ZNF800: variants seen among roughly 807,000 people sequenced by gnomAD.
ZNF800 encodes zinc finger protein 800.
ZNF800 carries 13 observed loss-of-function variants against 59.5 expected under a neutral mutation model. That is an observed-to-expected ratio of 0.22 (90% confidence interval 0.14 to 0.35). ZNF800 has a LOEUF of 0.35. Among genes scored for constraint, ZNF800 ranks in the 10% least tolerant of loss-of-function variants. The probability of loss-of-function intolerance (pLI) is 1.00; values close to 1 mark genes in which losing one functional copy is unlikely to be tolerated. For synonymous variants in ZNF800, 266 were observed against 265.7 expected, an observed-to-expected ratio of 1.00 and a Z score of -0.01; for missense variants, 621 against 783.7, an observed-to-expected ratio of 0.79 and a Z score of 2.48.
intron 1 of ZNF800, among the ~76,000 whole-genome samples, chr7:127,352,184 A>G (rs1260282158): frequency 6.6e-6 from 1 of 152,226 alleles, no homozygotes; most frequent in Admixed American, 6.5e-5. Flanking sequence ...TCATCTATAA[A>G]CATGGCCCAA....
chr7:127,389,593 C>G (rs1801245047), intron 2 of ZNF800, among the ~76,000 whole-genome samples: 1 of 152,140 alleles, frequency 6.6e-6, no homozygotes. Flanking sequence ...TCAGCATATA[C>G]CTTCCTCTGA....
rs757156460 is a variant in ZNF800 at position 127,374,587 on chromosome 7, C to T, written c.749G>A (p.Arg250Gln). 76 of 1,613,976 alleles carry T rather than the reference C, an allele frequency of 4.7e-5. No individual in the cohort carries two copies. The highest frequency in any genetic ancestry group is 6.1e-5 in the Non-Finnish European group (72 of 1,180,000). Residue 250 changes from arginine to glutamine, a missense_variant, in exon 5 of 6, where the codon CGA (arginine) becomes CAA (glutamine). Arg to Gln is a conservative substitution (Grantham distance 43). Around this residue, in one of 7 missense-constraint regions of ZNF800, gnomAD observed 218 missense variants for 230.8 expected, o/e 0.94. Transcript: ENST00000265827. ...TTCCATCTTTTTCTTGTGTACTTTT[C>T]GAATGTGACGGCGAACACCTCGTCT... Reference protein sequence around the residue: ...NSRRGVRRHIRKVHKKKMEEL... With the variant: ...NSRRGVRRHIQKVHKKKMEEL...
At chr7:127,354,277 T>C (rs1800226574) in intron 1 of ZNF800, among the ~76,000 whole-genome samples, 1 of 152,108 alleles carries the variant, frequency 6.6e-6, no homozygotes, top group African/African-American at 2.4e-5. Context: ...GACCCTCTCT[T>C]CCTGAAAGAA....
downstream of ZNF800, chr7:127,370,002 T>C (rs1422969156): frequency 6.6e-6 from 1 of 152,142 alleles, no homozygotes; most frequent in Non-Finnish European, 1.5e-5. Context: ...ATCTTTGGAA[T>C]ATGTCTTGTG....
chr7:127,389,425 T>C (rs1283557465), intron 2 of ZNF800, among the ~76,000 whole-genome samples: 1 of 152,214 alleles, frequency 6.6e-6, no homozygotes, highest in Non-Finnish European at 1.5e-5. Flanking sequence ...ATCAGGAATA[T>C]ACTGATCTCC....
intron 1 of ZNF800, chr7:127,351,357 T>C (rs1326485378): frequency 6.6e-6 from 1 of 152,280 alleles, no homozygotes; most frequent in Non-Finnish European, 1.5e-5. Flanking sequence ...CCTGAAATGA[T>C]CTCTCTTCTG....
chr7:127,391,360 T>C (rs987211107), intron 2 of ZNF800, 137 bp downstream of exon 2: 2 of 821,936 alleles, frequency 2.4e-6, no homozygotes, highest in African/African-American at 3.4e-5. Context: ...TTTAGCTTCA[T>C]AACTGGCTTA....
chr7:127,345,301 C>T (rs1276721143), downstream of ZNF800, among the ~76,000 whole-genome samples: 4 of 151,700 alleles, frequency 2.6e-5, no homozygotes, highest in African/African-American at 4.8e-5. Context: ...ATAGACCCCC[C>T]CCCCAAAGGT....
intron 3 of ZNF800, among the ~76,000 whole-genome samples, chr7:127,382,239 C>T (rs1800998712): frequency 6.6e-6 from 1 of 152,108 alleles, no homozygotes; most frequent in South Asian, 2.1e-4. Context: ...TCTCTTTTCC[C>T]CTCATTTTTC....
At chr7:127,365,521 A>C (rs1337408114), downstream of ZNF800, among the ~76,000 whole-genome samples, 1 of 152,124 alleles carries the variant, frequency 6.6e-6, no homozygotes, top group Non-Finnish European at 1.5e-5. Context: ...CTCAAAATAC[A>C]TTCCTGTACC....
At chr7:127,360,886 A>G (rs572799139) in intron 1 of ZNF800, 1 of 152,260 alleles carries the variant, frequency 6.6e-6, no homozygotes, top group African/African-American at 2.4e-5. Context: ...AATAATGAGC[A>G]AAGAAGACTG....
At chr7:127,372,711 GA>G (rs1800666260) in intron 5 of ZNF800, 1 of 984,596 alleles carries the variant, frequency 1.0e-6, no homozygotes, top group Admixed American at 6.2e-5. Context: ...CAAGGAGAAG[GA>G]AAAAAAATCC....
chr7:127,380,574 A>G (rs1158044714), intron 3 of ZNF800, among the ~76,000 whole-genome samples: 3 of 152,136 alleles, frequency 2.0e-5, no homozygotes, highest in Non-Finnish European at 4.4e-5. Flanking sequence ...GGCTTTCTTC[A>G]AAGTCAGCTA....
downstream of ZNF800, among the ~76,000 whole-genome samples, chr7:127,343,421 A>C (rs553024571): frequency 1.9e-4 from 29 of 151,868 alleles, no homozygotes; most frequent in South Asian, 3.9e-3. Flanking sequence ...ATAGACAACA[A>C]ATTTTAAAAT....
At chr7:127,354,475 TAAGTAAAAAAAAGCAA>T (rs1335591714) in intron 1 of ZNF800, among the ~76,000 whole-genome samples, 8 of 147,512 alleles carry the variant, frequency 5.4e-5, no homozygotes, top group African/African-American at 2.0e-4. Context: ...CAGACATTGT[TAAGTAAAAAAAAGCAA>T]GGTGCAGAAA....
intron 3 of ZNF800, among the ~76,000 whole-genome samples, chr7:127,384,224 C>CT (rs1189051908): frequency 6.1e-4 from 36 of 59,226 alleles, no homozygotes; most frequent in Non-Finnish European, 1.2e-3. Flanking sequence ...CTAATTCTAA[C>CT]TTCTTTTTTT....
intron 1 of ZNF800, among the ~76,000 whole-genome samples, chr7:127,350,997 G>A (rs892583870): frequency 3.3e-5 from 5 of 152,204 alleles, no homozygotes; most frequent in African/African-American, 1.2e-4. Flanking sequence ...GCAAGCACAT[G>A]AAAATGTGAA....
At chr7:127,355,327 G>T (rs903307517) in intron 1 of ZNF800, among the ~76,000 whole-genome samples, 4 of 152,026 alleles carry the variant, frequency 2.6e-5, no homozygotes, top group Admixed American at 2.6e-4. Flanking sequence ...AGGAAGAATG[G>T]GGACAGGCCT....
intron 1 of ZNF800, among the ~76,000 whole-genome samples, chr7:127,353,310 T>C (rs1800204602): frequency 6.6e-6 from 1 of 152,180 alleles, no homozygotes; most frequent in East Asian, 1.9e-4. Flanking sequence ...TAACATGACT[T>C]AATCACAGTT....
Sources: allele counts gnomAD v4.1 joint callset (sites outside exome capture counted in the v4.1 genomes callset), GRCh38; gene constraint gnomAD v4.1.1; regional missense constraint gnomAD v4.1.1; transcripts MANE v1.5; gene names NCBI Gene and HGNC (gene_info 2026-07-23, HGNC 2026-07-21).